The following CDK8 variants were observed in gnomAD, a reference collection of about 807,000 sequenced individuals.
CDK8 encodes cyclin dependent kinase 8, also known as cyclin-dependent kinase 8.
A neutral mutation model predicts 71.5 loss-of-function variants in CDK8; 29 were observed. The observed-to-expected ratio is 0.41, with a 90% CI of 0.30 to 0.55. The LOEUF (loss-of-function observed/expected upper bound fraction) is 0.55, where lower values mean the gene tolerates loss of function less well. CDK8 is among the 20% of genes least tolerant of loss of function. The probability of loss-of-function intolerance (pLI) is 0.37; values close to 1 mark genes in which losing one functional copy is unlikely to be tolerated. For missense variants in CDK8, 288 were observed against 572.6 expected (o/e 0.50, Z 5.07); for synonymous variants, 161 against 192.1 (o/e 0.84, Z 1.34).
intron 1 of CDK8, among the ~76,000 whole-genome samples, chr13:26,320,220 C>T (rs1424260992): frequency 6.6e-6 from 1 of 150,434 alleles, no homozygotes. Flanking sequence ...GGCAAAATGG[C>T]GAGACCTTGT....
chr13:26,353,935 T>TTA, intron 4 of CDK8, 55 bp downstream of exon 4: 17 of 1,499,640 alleles, frequency 1.1e-5, no homozygotes, highest in Non-Finnish European at 1.6e-5. Context: ...GTTGGATACT[T>TTA]TTCTAGTCGT....
chr13:26,352,556 A>G (rs1593282445), intron 3 of CDK8, among the ~76,000 whole-genome samples: 1 of 152,214 alleles, frequency 6.6e-6, no homozygotes, highest in African/African-American at 2.4e-5. Flanking sequence ...TGATTGTCAC[A>G]TCATATTTTA....
chr13:26,271,004 A>G (rs9581608), intron 1 of CDK8, among the ~76,000 whole-genome samples: 16,469 of 152,140 alleles, frequency 0.11, 2,642 homozygotes, highest in African/African-American at 0.35. Context: ...TTGATAATAG[A>G]CATCCTTAAG....
chr13:26,311,638 C>A (rs1874288053), intron 1 of CDK8, among the ~76,000 whole-genome samples: 2 of 152,126 alleles, frequency 1.3e-5, no homozygotes, highest in South Asian at 4.1e-4. Flanking sequence ...AAATAGTTAC[C>A]ACAGGCAGCG....
In CDK8 at chr13:26,370,601, C is replaced by G. The variant is rs895922246; in HGVS notation, c.457-12213C>G. On this transcript the variant is annotated intron_variant, in intron 4 of 12. Coordinates refer to ENST00000381527, the MANE Select transcript of CDK8 (RefSeq NM_001260.3). Reference sequence around the variant, plus strand: ...AGCACCACTGTTACTTAACAGTGTTCTGAAAGAGTTCTGGCTCAGAAATAA... The same window carrying G: ...AGCACCACTGTTACTTAACAGTGTTGTGAAAGAGTTCTGGCTCAGAAATAA... 5.5e-4 allele frequency among the ~76,000 whole-genome samples: 84 copies of G among 152,154 alleles called. 1 individual carries two copies. The highest frequency in any genetic ancestry group is 4.4e-4 in the Non-Finnish European group (30 of 68,040).
At chr13:26,261,818 TG>T (rs1269980048) in intron 1 of CDK8, among the ~76,000 whole-genome samples, 1 of 152,108 alleles carries the variant, frequency 6.6e-6, no homozygotes, top group Non-Finnish European at 1.5e-5. Context: ...TACCTGGGAG[TG>T]GAATTTCTGG....
At chr13:26,361,641 C>G (rs890112071) in intron 4 of CDK8, among the ~76,000 whole-genome samples, 1 of 152,086 alleles carries the variant, frequency 6.6e-6, no homozygotes, top group Non-Finnish European at 1.5e-5. Context: ...GCATATTACT[C>G]TCACATCATC....
rs189901753 is a variant in CDK8 at position 26,360,254 on chromosome 13, G to A, written c.456+6374G>A. ...GAGGATTGTTTGAGGCCAGAAGTTA[G>A]AGACCAGCCTGGGCAATATAGTGAG... is the stretch of plus-strand genomic sequence containing the variant. On this transcript the variant is annotated intron_variant, in intron 4 of 12. Transcript: ENST00000381527. Among the ~76,000 whole-genome samples, 7 of 152,260 alleles carry A rather than the reference G, an allele frequency of 4.6e-5. No individual in the cohort carries two copies. In the East Asian group the frequency reaches 1.4e-3, roughly 30 times the overall value.
chr13:26,403,602 C>T (rs1876368836), intron 12 of CDK8, among the ~76,000 whole-genome samples: 1 of 152,166 alleles, frequency 6.6e-6, no homozygotes, highest in Admixed American at 6.5e-5. Context: ...TGTAAATAAG[C>T]TTTGAATTTT....
intron 2 of CDK8, among the ~76,000 whole-genome samples, chr13:26,340,928 T>G (rs1416491546): frequency 6.6e-6 from 1 of 152,190 alleles, no homozygotes; most frequent in African/African-American, 2.4e-5. Context: ...ATCTTCATCT[T>G]CATTTTTTTG....
At chr13:26,355,773 A>G (rs990631086) in intron 4 of CDK8, among the ~76,000 whole-genome samples, 2 of 152,144 alleles carry the variant, frequency 1.3e-5, no homozygotes, top group African/African-American at 2.4e-5. Context: ...TATGATCTCT[A>G]AAAGAAAAAA....
chr13:26,321,048 A>G (rs1486173711), intron 1 of CDK8, among the ~76,000 whole-genome samples: 1 of 152,234 alleles, frequency 6.6e-6, no homozygotes, highest in Non-Finnish European at 1.5e-5. Flanking sequence ...AGGCCTTCAA[A>G]GAGGAATATA....
At chr13:26,360,824 A>G (rs2138010226) in intron 4 of CDK8, among the ~76,000 whole-genome samples, 1 of 152,140 alleles carries the variant, frequency 6.6e-6, no homozygotes, top group East Asian at 1.9e-4. Context: ...TCTTTTTACT[A>G]CCCTTTTACC....
At chr13:26,390,153 G>T (rs181252776) in intron 6 of CDK8, among the ~76,000 whole-genome samples, 1 of 152,276 alleles carries the variant, frequency 6.6e-6, no homozygotes, top group Non-Finnish European at 1.5e-5. Flanking sequence ...CACCATTAAA[G>T]CTGCTTACCA....
At position 26,353,826 on chromosome 13, in the gene CDK8, G is replaced by C. The variant is rs1307148304; in HGVS notation, c.402G>C (p.Gln134His). 1 of 1,613,026 alleles carries C rather than the reference G, an allele frequency of 6.2e-7. No individual in the cohort carries two copies. Among genetic ancestry groups the C allele is most frequent in the South Asian group, 1.1e-5 (1 of 91,062 alleles). The change falls in exon 4 of 13, where the codon CAG becomes CAC. Residue 134 changes from glutamine (Q) to histidine (H), a missense_variant. By Grantham distance (24) the Gln-to-His change is conservative (BLOSUM62 0). Around this residue, in one of 6 missense-constraint regions of CDK8, gnomAD observed 95 missense variants for 177.3 expected, o/e 0.54. Transcript: ENST00000381527. ...PRGMVKSLLY[Q>H]ILDGIHYLHA... The stretch of plus-strand genomic sequence containing the variant: ...GAATGGTGAAGTCACTATTATATCA[G>C]ATCCTAGATGGTATTCACTACCTGC...
chr13:26,382,717 A>AT (rs2138045751), intron 4 of CDK8, 97 bp from the exon 5 acceptor site: 2 of 709,078 alleles, frequency 2.8e-6, no homozygotes, highest in East Asian at 5.4e-5. Context: ...AATAAATGAG[A>AT]TTTTTTAAAA....
At chr13:26,288,455 G>A (rs1873128811) in intron 1 of CDK8, among the ~76,000 whole-genome samples, 1 of 151,742 alleles carries the variant, frequency 6.6e-6, no homozygotes, top group African/African-American at 2.4e-5. Flanking sequence ...AATTACTATA[G>A]CCTTGTAATA....
At chr13:26,313,465 A>G (rs759505207) in intron 1 of CDK8, among the ~76,000 whole-genome samples, 5 of 152,200 alleles carry the variant, frequency 3.3e-5, no homozygotes, top group Non-Finnish European at 5.9e-5. Flanking sequence ...ATAGAGAAGT[A>G]GGGAAGACGT....
At chr13:26,255,838 A>G (rs1057324115) in intron 1 of CDK8, among the ~76,000 whole-genome samples, 3 of 152,142 alleles carry the variant, frequency 2.0e-5, no homozygotes, top group Admixed American at 1.3e-4. Context: ...AAAATTTCCA[A>G]TTAGGTAGGA....
Sources: gnomAD v4.1 joint callset for allele counts (sites outside exome capture counted in the v4.1 genomes callset) on GRCh38, gnomAD v4.1.1 for gene constraint, gnomAD v4.1.1 regional missense constraint, MANE v1.5 for transcripts, NCBI Gene and HGNC (gene_info 2026-07-23, HGNC 2026-07-21) for gene names.